The following ASTN2 variants were observed in gnomAD, a reference collection of about 807,000 sequenced individuals.
The protein encoded by ASTN2 is astrotactin 2, also known as astrotactin-2.
ASTN2 carries 54 observed loss-of-function variants against 139.8 expected under a neutral mutation model. That is an observed-to-expected ratio of 0.39 (90% CI 0.31 to 0.48). ASTN2 has a LOEUF of 0.48. ASTN2 is among the 20% of genes least tolerant of loss of function. The pLI is 0.95. For synonymous variants in ASTN2, 756 were observed against 719.5 expected, an observed-to-expected ratio of 1.05 and a Z score of -0.81; for missense variants, 1,565 against 1,725.1, an observed-to-expected ratio of 0.91 and a Z score of 1.64.
At chr9:117,022,412 T>C (rs541549874) in intron 6 of ASTN2, among the ~76,000 whole-genome samples, 1 of 149,164 alleles carries the variant, frequency 6.7e-6, no homozygotes, top group East Asian at 2.0e-4. Flanking sequence ...AGATCACTTC[T>C]GAGAAATAGT....
chr9:117,017,958 T>TA (rs10649974), intron 6 of ASTN2, among the ~76,000 whole-genome samples: 26,738 of 142,402 alleles, frequency 0.19, 2,953 homozygotes, highest in South Asian at 0.33. Context: ...TCAGTCTCAT[T>TA]AAAAAAAAAA....
intron 1 of ASTN2, among the ~76,000 whole-genome samples, chr9:117,358,599 T>C (rs1338480387): frequency 6.6e-6 from 1 of 152,130 alleles, no homozygotes; most frequent in Non-Finnish European, 1.5e-5. Context: ...ACCAGCCTCT[T>C]GTGGCACCTA....
chr9:116,686,279 C>G (rs1013256893), intron 16 of ASTN2, among the ~76,000 whole-genome samples: 1 of 152,126 alleles, frequency 6.6e-6, no homozygotes, highest in Non-Finnish European at 1.5e-5. Context: ...TGTAGGTTAA[C>G]CATCAGCTGC....
At chr9:116,537,155 C>A (rs933272999) in intron 19 of ASTN2, among the ~76,000 whole-genome samples, 1 of 152,220 alleles carries the variant, frequency 6.6e-6, no homozygotes, top group South Asian at 2.1e-4. Context: ...CCCTCCGAGC[C>A]ACGTGCGGGA....
rs553636993 is a variant in ASTN2, at chr9:116,453,204, T to C, written c.3498-10651A>G. ...GGTCTAAAAGACTGAGTTTGCATCA[T>C]GACTTTCTCCATTTCCTGTTTCTAA... is the stretch of plus-strand genomic sequence containing the variant. On this transcript the variant is annotated intron_variant, in intron 20 of 22. Transcript: ENST00000313400. Among the ~76,000 whole-genome samples the C allele has an allele frequency of 1.6e-3, 247 of 152,324 alleles. 3 individuals are homozygous for C. In the South Asian group the frequency reaches 0.022, roughly 13 times the overall value.
At chr9:117,356,042 T>G (rs1829531301) in intron 1 of ASTN2, among the ~76,000 whole-genome samples, 1 of 152,152 alleles carries the variant, frequency 6.6e-6, no homozygotes, top group Non-Finnish European at 1.5e-5. Context: ...ATGCTATCAC[T>G]AGATCCTCCC....
intron 10 of ASTN2, among the ~76,000 whole-genome samples, chr9:116,944,700 A>T (rs928606253): frequency 1.3e-5 from 2 of 151,658 alleles, no homozygotes; most frequent in Non-Finnish European, 2.9e-5. Flanking sequence ...AAAAAAAAAA[A>T]AAAGCAGATG....
At chr9:117,117,640 G>A (rs1391498002) in intron 4 of ASTN2, among the ~76,000 whole-genome samples, 1 of 152,150 alleles carries the variant, frequency 6.6e-6, no homozygotes, top group African/African-American at 2.4e-5. Context: ...CTACCCCATG[G>A]TACTGCAGAT....
chr9:116,650,216 C>A (rs1857832994), intron 17 of ASTN2, among the ~76,000 whole-genome samples: 1 of 152,140 alleles, frequency 6.6e-6, no homozygotes, highest in Non-Finnish European at 1.5e-5. Flanking sequence ...TATCTCCCTT[C>A]CTCTGCCTCA....
At chr9:117,087,138 C>T (rs1317265903) in intron 5 of ASTN2, among the ~76,000 whole-genome samples, 1 of 152,174 alleles carries the variant, frequency 6.6e-6, no homozygotes, top group Non-Finnish European at 1.5e-5. Flanking sequence ...CACAATATCC[C>T]CAAGGGGCTA....
intron 11 of ASTN2, among the ~76,000 whole-genome samples, chr9:116,851,211 T>C (rs968237759): frequency 2.6e-5 from 4 of 152,088 alleles, no homozygotes; most frequent in Non-Finnish European, 5.9e-5. Flanking sequence ...GCTCTATGCA[T>C]ACCTAAGTGG....
At chr9:116,660,094 G>C (rs1237517287) in intron 16 of ASTN2, among the ~76,000 whole-genome samples, 4 of 151,726 alleles carry the variant, frequency 2.6e-5, no homozygotes, top group African/African-American at 9.7e-5. Flanking sequence ...GGCATTGTTG[G>C]GTGGCTTCTG....
chr9:117,369,003 G>T (rs1010707905), intron 1 of ASTN2, among the ~76,000 whole-genome samples: 1 of 152,080 alleles, frequency 6.6e-6, no homozygotes, highest in Non-Finnish European at 1.5e-5. Flanking sequence ...AAACTAAAGT[G>T]TTGCTAATGA....
chr9:117,044,976 T>C (rs752142736), intron 5 of ASTN2, among the ~76,000 whole-genome samples: 2 of 152,158 alleles, frequency 1.3e-5, no homozygotes, highest in African/African-American at 4.8e-5. Context: ...GTTACAGAGA[T>C]TGGATGAGAA....
At chr9:116,560,277 T>C (rs755578234) in intron 19 of ASTN2, among the ~76,000 whole-genome samples, 1 of 152,222 alleles carries the variant, frequency 6.6e-6, no homozygotes, top group Non-Finnish European at 1.5e-5. Flanking sequence ...ACTAACTCAC[T>C]AGCTCCTTCA....
At chr9:116,627,159 T>C (rs1177820313) in intron 17 of ASTN2, among the ~76,000 whole-genome samples, 3 of 152,230 alleles carry the variant, frequency 2.0e-5, no homozygotes, top group Admixed American at 1.3e-4. Context: ...AAGTAGGTAG[T>C]GTTAGTTGAC....
At chr9:116,534,118 A>AT (rs777028563) in intron 19 of ASTN2, among the ~76,000 whole-genome samples, 3 of 151,910 alleles carry the variant, frequency 2.0e-5, no homozygotes, top group African/African-American at 7.2e-5. Flanking sequence ...GAATTTATCC[A>AT]TTTTTTCTAG....
intron 5 of ASTN2, among the ~76,000 whole-genome samples, chr9:117,052,448 A>G (rs1288009170): frequency 4.0e-5 from 6 of 151,718 alleles, no homozygotes; most frequent in Non-Finnish European, 8.8e-5. Context: ...AAAAAAAAAA[A>G]AAAGAAAGAA....
intron 16 of ASTN2, chr9:116,686,862 C>A: frequency 9.1e-6 from 14 of 1,546,132 alleles, no homozygotes; most frequent in Non-Finnish European, 1.2e-5. Context: ...GAGGCCAAAG[C>A]ACTGCCCTTC....
Sources: allele counts gnomAD v4.1 joint callset (sites outside exome capture counted in the v4.1 genomes callset), GRCh38; gene constraint gnomAD v4.1.1; transcripts MANE v1.5; gene names NCBI Gene and HGNC (gene_info 2026-07-23, HGNC 2026-07-21).